Variants in IQCM observed in about 807,000 individuals in gnomAD.
IQCM encodes the protein IQ domain-containing protein M.
A neutral mutation model predicts 57.6 loss-of-function variants in IQCM; 45 were observed. The observed-to-expected ratio is 0.78, with a 90% CI of 0.62 to 1.00. The LOEUF is 1.00. IQCM is among the 50% of genes least tolerant of loss of function. The pLI is 0.00. For synonymous variants in IQCM, 148 were observed against 158.9 expected (o/e 0.93, Z 0.51); for missense variants, 468 against 511.6 (o/e 0.91, Z 0.82).
intron 2 of IQCM, among the ~76,000 whole-genome samples, chr4:149,775,040 CAAAAAAAAAA>C (rs35383107): frequency 3.4e-5 from 3 of 87,058 alleles, no homozygotes; most frequent in Non-Finnish European, 7.6e-5. Flanking sequence ...TTCTTTTTGC[CAAAAAAAAAA>C]AAAAAAAAAA....
intron 7 of IQCM, among the ~76,000 whole-genome samples, chr4:149,636,050 G>A (rs1241486884): frequency 6.6e-6 from 1 of 152,090 alleles, no homozygotes; most frequent in African/African-American, 2.4e-5. Flanking sequence ...TTTAGACATA[G>A]AATGTCATAA....
intron 7 of IQCM, among the ~76,000 whole-genome samples, chr4:149,663,271 CTTTT>C (rs145268863): frequency 6.6e-6 from 1 of 150,400 alleles, no homozygotes; most frequent in South Asian, 2.1e-4. Flanking sequence ...GTATCTGTTG[CTTTT>C]TTTTTAACCA....
chr4:149,566,034 G>A (rs1750600768), intron 9 of IQCM, among the ~76,000 whole-genome samples: 1 of 152,150 alleles, frequency 6.6e-6, no homozygotes, highest in African/African-American at 2.4e-5. Flanking sequence ...TTTTGTATTT[G>A]TTTGTTTAAA....
chr4:149,387,834 C>G (rs1027946160), intron 13 of IQCM, among the ~76,000 whole-genome samples: 1 of 151,938 alleles, frequency 6.6e-6, no homozygotes, highest in Admixed American at 6.6e-5. Context: ...CATTAACAGT[C>G]ACCCCCTACT....
intron 6 of IQCM, among the ~76,000 whole-genome samples, chr4:149,683,291 T>C (rs1762317134): frequency 1.3e-5 from 2 of 151,258 alleles, no homozygotes. Flanking sequence ...CTTGTGTTAC[T>C]ATAAATGCCT....
At chr4:149,487,163 T>C (rs1200250010) in intron 12 of IQCM, among the ~76,000 whole-genome samples, 1 of 152,086 alleles carries the variant, frequency 6.6e-6, no homozygotes, top group East Asian at 1.9e-4. Flanking sequence ...TTGAAAAGAC[T>C]GGATCCTTCC....
At chr4:149,393,974 C>T (rs889732488) in intron 13 of IQCM, among the ~76,000 whole-genome samples, 3 of 151,864 alleles carry the variant, frequency 2.0e-5, no homozygotes, top group Admixed American at 6.6e-5. Flanking sequence ...AAACAATAAG[C>T]AGGGTGGATC....
chr4:149,385,261 T>C (rs1731341531), intron 13 of IQCM, among the ~76,000 whole-genome samples: 1 of 152,030 alleles, frequency 6.6e-6, no homozygotes, highest in African/African-American at 2.4e-5. Context: ...CAAAGGGAAG[T>C]CACGATGCCT....
intron 5 of IQCM, among the ~76,000 whole-genome samples, chr4:149,714,903 A>T: frequency 6.6e-6 from 1 of 152,196 alleles, no homozygotes; most frequent in Non-Finnish European, 1.5e-5. Context: ...GGGTGGGATT[A>T]ATTGGTATGG....
In IQCM at chr4:149,665,445, G is replaced by A. The variant is rs371032361; in HGVS notation, c.565+16673C>T. On this transcript the variant is annotated intron_variant, in intron 7 of 13. Coordinates refer to ENST00000636793, the MANE Select transcript of IQCM (RefSeq NM_001363507.2). ...GGGAAGACAGTGTATCAGAGGCAGGGTGACTCACTCACCTTTCTATGGTGC... is the reference window on the plus strand; with the variant it reads ...GGGAAGACAGTGTATCAGAGGCAGGATGACTCACTCACCTTTCTATGGTGC... 5.1e-4 allele frequency among the ~76,000 whole-genome samples: 78 copies of A among 152,246 alleles called. No homozygotes were observed. In the East Asian group the frequency reaches 5.4e-3, roughly 11 times the overall value.
At chr4:149,623,776 G>GTA in intron 7 of IQCM, among the ~76,000 whole-genome samples, 1 of 151,016 alleles carries the variant, frequency 6.6e-6, no homozygotes, top group East Asian at 2.0e-4. Context: ...AGAGTAGGCT[G>GTA]TATATTGATA....
At chr4:149,771,915 T>A (rs575230260) in intron 2 of IQCM, among the ~76,000 whole-genome samples, 17 of 152,254 alleles carry the variant, frequency 1.1e-4, no homozygotes, top group Non-Finnish European at 2.9e-5. Context: ...ATAATTCTAT[T>A]TTCTTTTAGT....
rs545762998 is a variant in IQCM at position 149,699,943 on chromosome 4, G to A, written c.386-13475C>T. 7.9e-5 allele frequency among the ~76,000 whole-genome samples: 12 copies of A among 151,954 alleles called. No individual in the cohort carries two copies. The East Asian group carries it at 9.7e-4, about 12-fold the overall frequency. The stretch of plus-strand genomic sequence containing the variant: ...TCTTTTCCCTCTCTCTCCCTGCAGC[G>A]GAGGAGGGGGAAATGTGCCTAATGC... On this transcript the variant is annotated intron_variant, in intron 5 of 13. Transcript: ENST00000636793.
At chr4:149,777,931 A>C (rs1771244350) in intron 2 of IQCM, among the ~76,000 whole-genome samples, 2 of 151,398 alleles carry the variant, frequency 1.3e-5, no homozygotes, top group South Asian at 4.2e-4. Context: ...AAAACAAAAC[A>C]AAAAAAAAGG....
intron 7 of IQCM, among the ~76,000 whole-genome samples, chr4:149,642,185 C>T (rs889230360): frequency 1.3e-5 from 2 of 152,018 alleles, no homozygotes; most frequent in African/African-American, 4.8e-5. Context: ...AACTTTCAAG[C>T]CAAACCAACT....
At chr4:149,442,145 T>C (rs993256403) in intron 12 of IQCM, among the ~76,000 whole-genome samples, 22 of 152,176 alleles carry the variant, frequency 1.4e-4, no homozygotes, top group Non-Finnish European at 4.4e-5. Flanking sequence ...ATGAGACTTG[T>C]GAGTCACACA....
intron 13 of IQCM, among the ~76,000 whole-genome samples, chr4:149,412,998 G>C (rs939554232): frequency 2.0e-5 from 3 of 152,024 alleles, no homozygotes; most frequent in African/African-American, 7.2e-5. Context: ...CAAAGCCAGT[G>C]GTCTCTAAAA....
intron 10 of IQCM, among the ~76,000 whole-genome samples, chr4:149,554,769 G>A (rs1054736072): frequency 6.6e-6 from 1 of 151,048 alleles, no homozygotes; most frequent in African/African-American, 2.4e-5. Context: ...GCGCGATCTC[G>A]GCTCACTGCA....
intron 2 of IQCM, among the ~76,000 whole-genome samples, chr4:149,786,730 T>C (rs1294803885): frequency 6.6e-6 from 1 of 152,134 alleles, no homozygotes; most frequent in Non-Finnish European, 1.5e-5. Flanking sequence ...ACACTGTTGG[T>C]GGGAATGTAA....
Sources: allele counts gnomAD v4.1 joint callset (sites outside exome capture counted in the v4.1 genomes callset), GRCh38; gene constraint gnomAD v4.1.1; transcripts MANE v1.5; gene names NCBI Gene and HGNC (gene_info 2026-07-23, HGNC 2026-07-21).